CELSR1: variants seen among roughly 807,000 people sequenced by gnomAD.
CELSR1 encodes adhesion G protein-coupled receptor C1.
Under a neutral mutation model 249.1 loss-of-function variants are expected in CELSR1, and 110 were observed. That is an observed-to-expected ratio of 0.44 (90% CI 0.38 to 0.52). CELSR1 has a LOEUF of 0.52. CELSR1 is among the 20% of genes least tolerant of loss of function. The pLI is 0.00. For missense variants in CELSR1, 4,109 were observed against 4,296.4 expected, an observed-to-expected ratio of 0.96 and a Z score of 1.22; for synonymous variants, 2,113 against 1,900.0, an observed-to-expected ratio of 1.11 and a Z score of -2.92.
At chr22:46,481,672 TTC>T (rs2080267839) in intron 1 of CELSR1, 1 of 620,310 alleles carries the variant, frequency 1.6e-6, no homozygotes, top group South Asian at 2.0e-5. Context: ...CTTCCAGATG[TTC>T]TCTCTCTCCA....
In CELSR1 at chr22:46,361,913, A is replaced by G. The variant is rs2078708693; in HGVS notation, c.*1310T>C. 6.6e-6 allele frequency: 1 copy of G among 152,262 alleles called. No individual in the cohort carries two copies. Among genetic ancestry groups the G allele is most frequent in the South Asian group, 2.1e-4 (1 of 4,838 alleles). The allele number at this position is 152,262 out of a possible 1,614,324, so 9.4% of individuals were successfully genotyped here. A position where few individuals can be genotyped will look rare whatever the true frequency, so the allele number is the denominator to read the frequency against. On this transcript the variant is annotated 3_prime_UTR_variant, in exon 35 of 35. Coordinates refer to ENST00000674500, the MANE Select transcript of CELSR1 (RefSeq NM_001378328.1). ...GGGCCACGCTGTGCCAGCTGCCTGC[A>G]GTGGGCCCGACCTTGGTGTGAATTT...
At chr22:46,520,192 T>A (rs986627114) in intron 1 of CELSR1, among the ~76,000 whole-genome samples, 21 of 151,910 alleles carry the variant, frequency 1.4e-4, no homozygotes, top group African/African-American at 4.8e-4. Context: ...CCATTTGTGA[T>A]CTCAAGACAT....
rs2079549518 is a variant in CELSR1, at chr22:46,427,521, G to A, written c.4611+5872C>T. ...CAAAGGCGCCTGGGCGACAGAGCGG[G>A]ACTCCATCTCAAAAATAAAATAAAT... On this transcript the variant is annotated intron_variant, in intron 5 of 34. Coordinates refer to ENST00000674500, the MANE Select transcript of CELSR1 (RefSeq NM_001378328.1). This position sits in a 1 kb window ranked among gnomAD's most constrained non-coding sequence, Gnocchi z 4.2. 5.3e-5 allele frequency among the ~76,000 whole-genome samples: 8 copies of A among 152,144 alleles called. No individual in the cohort carries two copies. The highest frequency in any genetic ancestry group is 5.2e-4 in the Admixed American group (8 of 15,278).
At chr22:46,435,425 G>C (rs1176757014) in intron 4 of CELSR1, among the ~76,000 whole-genome samples, 1 of 151,508 alleles carries the variant, frequency 6.6e-6, no homozygotes, top group African/African-American at 2.4e-5. Context: ...GGGATTACAG[G>C]CAAGTGCCAC....
Position 46,463,993 on chromosome 22 carries a change from C to T in CELSR1, c.3897G>A (p.Val1299=), listed in dbSNP as rs749414921. 1.9e-6 allele frequency: 3 copies of T among 1,613,890 alleles called. No homozygotes were observed. Among genetic ancestry groups the T allele is most frequent in the South Asian group, 2.2e-5 (2 of 91,090 alleles). The change falls in exon 2 of 35, where the codon GTG becomes GTA. Residue 1299 remains valine, a synonymous_variant. Coordinates refer to ENST00000674500, the MANE Select transcript of CELSR1 (RefSeq NM_001378328.1). ...GGCAGATGTTGTCGTCGAAGGGCAG[C>T]ACGCGCTGCGTGGAGATGGTGGTCA... ...TLLTTISTQR[V]LPFDDNICLR... is the part of the protein sequence containing the mutation.
chr22:46,405,876 A>G lies in CELSR1; in HGVS notation c.5226+3120T>C, dbSNP rs570752858. On this transcript the variant is annotated intron_variant, in intron 9 of 34. Transcript: ENST00000674500. Reference sequence around the variant, plus strand: ...ATAATGGCAAGGAGAAATCCCCCAGAACCTTCGGTAACGTGTGGTTGACCG... The same window carrying G: ...ATAATGGCAAGGAGAAATCCCCCAGGACCTTCGGTAACGTGTGGTTGACCG... 2.6e-5 allele frequency among the ~76,000 whole-genome samples: 4 copies of G among 152,262 alleles called. No individual in the cohort carries two copies. In the South Asian group the frequency reaches 8.3e-4, roughly 32 times the overall value.
intron 18 of CELSR1, among the ~76,000 whole-genome samples, chr22:46,387,392 G>GT (rs2079044100): frequency 6.6e-6 from 1 of 152,094 alleles, no homozygotes. Context: ...TTTTGTTTTT[G>GT]TTTTTTGAGA....
chr22:46,534,027 C>T lies in CELSR1; in HGVS notation c.3144G>A (p.Gln1048=). 1 of 1,613,710 alleles carries T rather than the reference C, an allele frequency of 6.2e-7. No homozygotes were observed. The highest frequency in any genetic ancestry group is 8.5e-7 in the Non-Finnish European group (1 of 1,180,030). The change falls in exon 1 of 35, where the codon CAG becomes CAA. Residue 1048 remains glutamine (Q), a synonymous_variant. Coordinates refer to ENST00000674500, the MANE Select transcript of CELSR1 (RefSeq NM_001378328.1). The surrounding 1 kb of genome is among the most constrained non-coding windows in gnomAD (Gnocchi z 9.7). ...GCAGGTCCCCGTTGAGCAGGTCCAG[C>T]TGGAAGAAATGCCGCATGTCCCCTT... ...IVEGDMRHFF[Q]LDLLNGDLRA...
rs554737340 is a variant in CELSR1 at position 46,398,470 on chromosome 22, C to T, written c.5526+54G>A. 1.9e-5 allele frequency: 25 copies of T among 1,333,030 alleles called. No homozygotes were observed. The highest frequency in any genetic ancestry group is 2.9e-5 in the African/African-American group (2 of 67,948). 82.6% of individuals were successfully genotyped at this position (1,333,030 alleles called of 1,614,324 possible). A position where few individuals can be genotyped will look rare whatever the true frequency, so the allele number is the denominator to read the frequency against. On this transcript the variant is annotated intron_variant, in intron 11 of 34. Transcript: ENST00000674500. The surrounding 1 kb of genome is among the most constrained non-coding windows in gnomAD (Gnocchi z 7.2). ...GAACCACCTATGGTGCTGCCAGCCT[C>T]GGAGCTGCCTGTGAGGGGCAGGCCT...
chr22:46,449,836 A>C (rs1279348208), intron 2 of CELSR1, among the ~76,000 whole-genome samples: 2 of 152,192 alleles, frequency 1.3e-5, no homozygotes, highest in African/African-American at 4.8e-5. Flanking sequence ...AAGGGTGGGC[A>C]CAGCTAAGGC....
At position 46,401,454 on chromosome 22, in the gene CELSR1, C is replaced by A. The variant is rs138110564; in HGVS notation, c.5227-1552G>T. Among the ~76,000 whole-genome samples, 132 of 152,320 alleles carry A rather than the reference C, an allele frequency of 8.7e-4. No individual in the cohort carries two copies. The highest frequency in any genetic ancestry group is 3.4e-3 in the Middle Eastern group (1 of 294). ...CTCACAACCAAGGAAAAGACAGAAT[C>A]TGCAAAACAGCGTGGCGTGTGCTTC... On this transcript the variant is annotated intron_variant, in intron 9 of 34. Transcript: ENST00000674500. The surrounding 1 kb of genome is among the most constrained non-coding windows in gnomAD (Gnocchi z 4.7).
intron 2 of CELSR1, among the ~76,000 whole-genome samples, chr22:46,443,320 C>T (rs370214803): frequency 8.5e-5 from 13 of 152,332 alleles, no homozygotes; most frequent in African/African-American, 2.9e-4. Context: ...TTCCCCTCCA[C>T]CCCAGGAGTC....
At position 46,536,457 on chromosome 22, in the gene CELSR1, G is replaced by A. The variant is rs1476882315; in HGVS notation, c.714C>T (p.Ser238=). ...TCGGAAACTTCAGGCTCCCTCTGCC[G>A]CTCGTGCCCCGCCGGGCCCGTCGCG... is the stretch of plus-strand genomic sequence containing the variant. ...GPARRARRGT[S]GRGSLKFPMP... The change falls in exon 1 of 35, where the codon AGC becomes AGT. Residue 238 remains serine (S), a synonymous_variant. Coordinates refer to ENST00000674500, the MANE Select transcript of CELSR1 (RefSeq NM_001378328.1). The A allele has an allele frequency of 2.5e-6, 4 of 1,609,700 alleles. No homozygotes were observed. Among genetic ancestry groups the A allele is most frequent in the South Asian group, 1.1e-5 (1 of 90,922 alleles).
intron 2 of CELSR1, among the ~76,000 whole-genome samples, chr22:46,458,425 C>T (rs1158953918): frequency 6.6e-6 from 1 of 152,322 alleles, no homozygotes; most frequent in African/African-American, 2.4e-5. Context: ...GAGAAGGCCC[C>T]ACCAAGGTGA....
chr22:46,398,753 G>A lies in CELSR1; in HGVS notation c.5413-116C>T. 1 of 742,590 alleles carries A rather than the reference G, an allele frequency of 1.3e-6. No individual in the cohort carries two copies. The highest frequency in any genetic ancestry group is 1.8e-5 in the African/African-American group (1 of 55,716). 46.0% of individuals were successfully genotyped at this position (742,590 alleles called of 1,614,324 possible). A position where few individuals can be genotyped will look rare whatever the true frequency, so the allele number is the denominator to read the frequency against. Reference sequence around the variant, plus strand: ...CAGTCACTTCAACAAACTCCGCAGAGCCTGAGGACATCTGGGCCTCCAAAG... The same window carrying A: ...CAGTCACTTCAACAAACTCCGCAGAACCTGAGGACATCTGGGCCTCCAAAG... On this transcript the variant is annotated intron_variant, in intron 10 of 34. Transcript: ENST00000674500. This position sits in a 1 kb window ranked among gnomAD's most constrained non-coding sequence, Gnocchi z 7.2.
chr22:46,489,150 G>A (rs1424638612), intron 1 of CELSR1, among the ~76,000 whole-genome samples: 2 of 151,916 alleles, frequency 1.3e-5, no homozygotes, highest in East Asian at 1.9e-4. Flanking sequence ...TTTGGAACCC[G>A]GCTTGGGGAT....
chr22:46,369,896 G>A, intron 25 of CELSR1, 92 bp from the exon 26 acceptor site: 1 of 1,050,956 alleles, frequency 9.5e-7, no homozygotes, highest in South Asian at 1.3e-5. Context: ...TGAAATGGGG[G>A]ACTCAGCATC....
chr22:46,496,744 G>A (rs1357889846), intron 1 of CELSR1, among the ~76,000 whole-genome samples: 6 of 151,798 alleles, frequency 4.0e-5, no homozygotes, highest in South Asian at 2.1e-4. Context: ...TTGTCCCATC[G>A]GGAAGTCTTC....
chr22:46,479,362 G>A (rs2147655100), intron 1 of CELSR1, among the ~76,000 whole-genome samples: 2 of 152,202 alleles, frequency 1.3e-5, no homozygotes, highest in South Asian at 4.1e-4. Flanking sequence ...CTCCTGTGCA[G>A]AAAGGCTGCG....
Sources: gnomAD v4.1 joint callset for allele counts (sites outside exome capture counted in the v4.1 genomes callset) on GRCh38, gnomAD v4.1.1 for gene constraint, Gnocchi (gnomAD v3.1) non-coding constraint, MANE v1.5 for transcripts, NCBI Gene and HGNC (gene_info 2026-07-23, HGNC 2026-07-21) for gene names.